The following CDH9 variants were observed in gnomAD, a reference collection of about 807,000 sequenced individuals.
CDH9 encodes cadherin 9, also known as cadherin-9.
A neutral mutation model predicts 70.9 loss-of-function variants in CDH9; 28 were observed. The observed-to-expected ratio is 0.40, with a 90% confidence interval of 0.29 to 0.54. The LOEUF is 0.54. Ranked by LOEUF, CDH9 falls within the 20% of genes least tolerant of loss-of-function variation. The pLI, the probability that CDH9 is intolerant of heterozygous loss-of-function variation, is 0.59. For synonymous variants in CDH9, 409 were observed against 343.1 expected, an observed-to-expected ratio of 1.19 and a Z score of -2.12; for missense variants, 874 against 984.4, an observed-to-expected ratio of 0.89 and a Z score of 1.50.
At chr5:26,905,490 C>A (rs1395819076) in intron 5 of CDH9, among the ~76,000 whole-genome samples, 1 of 152,038 alleles carries the variant, frequency 6.6e-6, no homozygotes, top group African/African-American at 2.4e-5. Flanking sequence ...GTCTGTGTTT[C>A]AGAATCAGTT....
intron 9 of CDH9, among the ~76,000 whole-genome samples, chr5:26,887,574 G>A (rs1047143161): frequency 5.9e-5 from 9 of 151,886 alleles, no homozygotes; most frequent in Admixed American, 1.3e-4. Context: ...ATAGATAAGT[G>A]AGTAAAGAAT....
At chr5:27,027,890 G>A (rs973665822) in intron 1 of CDH9, among the ~76,000 whole-genome samples, 4 of 151,970 alleles carry the variant, frequency 2.6e-5, no homozygotes, top group Non-Finnish European at 4.4e-5. Flanking sequence ...TTCAATTTAT[G>A]AACTGTTAAG....
At chr5:26,890,121 CA>C (rs989821927) in intron 8 of CDH9, among the ~76,000 whole-genome samples, 164 bp from the exon 9 acceptor site, 2 of 151,694 alleles carry the variant, frequency 1.3e-5, no homozygotes, top group African/African-American at 4.8e-5. Context: ...AAGAAAAGCA[CA>C]ATAAAATTGA....
At chr5:26,883,503 C>T (rs1579659788) in intron 11 of CDH9, among the ~76,000 whole-genome samples, 1 of 151,820 alleles carries the variant, frequency 6.6e-6, no homozygotes, top group Non-Finnish European at 1.5e-5. Flanking sequence ...ATCTGTAACT[C>T]AAATTTAGCA....
intron 1 of CDH9, among the ~76,000 whole-genome samples, chr5:27,037,646 C>T (rs1014290688): frequency 6.6e-6 from 1 of 151,888 alleles, no homozygotes; most frequent in Non-Finnish European, 1.5e-5. Context: ...CGATGGAAAA[C>T]ACAATAAAAC....
chr5:27,023,830 T>C (rs550048444), intron 1 of CDH9, among the ~76,000 whole-genome samples: 22 of 152,072 alleles, frequency 1.4e-4, no homozygotes, highest in African/African-American at 5.3e-4. Context: ...GGCCAGCGGA[T>C]CACCTGAGGT....
chr5:26,927,885 G>A (rs1453236724), intron 2 of CDH9, among the ~76,000 whole-genome samples: 1 of 151,816 alleles, frequency 6.6e-6, no homozygotes, highest in African/African-American at 2.4e-5. Context: ...CTTATTAGTG[G>A]CCCCCACAGC....
At chr5:26,931,211 G>A (rs1741456775) in intron 2 of CDH9, among the ~76,000 whole-genome samples, 2 of 152,134 alleles carry the variant, frequency 1.3e-5, no homozygotes, top group South Asian at 4.1e-4. Flanking sequence ...CTGCAGGGAA[G>A]TAGAGTATGT....
At chr5:26,952,103 A>G (rs1579472302) in intron 2 of CDH9, among the ~76,000 whole-genome samples, 1 of 150,612 alleles carries the variant, frequency 6.6e-6, no homozygotes, top group East Asian at 2.1e-4. Flanking sequence ...GGCTGAGATG[A>G]CAGGTGCCTG....
At position 27,001,487 on chromosome 5, in the gene CDH9, T is replaced by C. The variant is rs183851446; in HGVS notation, c.-49-13105A>G. ...AATTTACAGATAACCAACAGGAGGT[T>C]ACCATGATCCATGGGGTAATAATTA... On this transcript the variant is annotated intron_variant, in intron 1 of 11. Transcript: ENST00000231021. Among the ~76,000 whole-genome samples the C allele has an allele frequency of 3.3e-5, 5 of 152,240 alleles. No homozygotes were observed. In the East Asian group the frequency reaches 9.7e-4, roughly 29 times the overall value.
intron 7 of CDH9, among the ~76,000 whole-genome samples, chr5:26,901,465 A>G (rs575146405): frequency 1.3e-5 from 2 of 152,020 alleles, no homozygotes; most frequent in African/African-American, 4.8e-5. Flanking sequence ...TGCTTTATGA[A>G]TTAACATATT....
In CDH9 at chr5:26,933,251, C is replaced by A. The variant is rs949696998; in HGVS notation, c.229-17327G>T. On this transcript the variant is annotated intron_variant, in intron 2 of 11. Transcript: ENST00000231021. ...GGTAAAATTTCACCTTGGGAGACTA[C>A]AAAAGATGAGTAAATTAAACCTGAG... Among the ~76,000 whole-genome samples the A allele has an allele frequency of 2.0e-5, 3 of 150,746 alleles. No homozygotes were observed. The South Asian group carries it at 6.2e-4, about 31-fold the overall frequency.
chr5:26,968,999 T>G (rs1164366494), intron 2 of CDH9, among the ~76,000 whole-genome samples: 6 of 152,192 alleles, frequency 3.9e-5, no homozygotes. Flanking sequence ...ACGTTTGCCC[T>G]CCTAAAACCT....
rs1201443767 is a variant in CDH9, at chr5:27,014,395, A to G, written c.-50+24068T>C. Among the ~76,000 whole-genome samples, 6 of 151,938 alleles carry G rather than the reference A, an allele frequency of 3.9e-5. No homozygotes were observed. In the Admixed American group the frequency reaches 3.9e-4, roughly 10 times the overall value. Reference sequence around the variant, plus strand: ...TTAATGCACCGAACTGTGGTTGACTATAGCTGTGTTCCTAGGGATCCTGTG... The same window carrying G: ...TTAATGCACCGAACTGTGGTTGACTGTAGCTGTGTTCCTAGGGATCCTGTG... On this transcript the variant is annotated intron_variant, in intron 1 of 11. Coordinates refer to ENST00000231021, the MANE Select transcript of CDH9 (RefSeq NM_016279.4).
intron 2 of CDH9, among the ~76,000 whole-genome samples, chr5:26,984,117 C>T (rs1742450531): frequency 6.6e-6 from 1 of 151,992 alleles, no homozygotes; most frequent in Admixed American, 6.6e-5. Context: ...AAATCCCTTT[C>T]CACTCTAGAA....
intron 1 of CDH9, among the ~76,000 whole-genome samples, chr5:27,020,891 A>G (rs1183101346): frequency 6.6e-6 from 1 of 151,736 alleles, no homozygotes; most frequent in Non-Finnish European, 1.5e-5. Context: ...TAAAACCCTC[A>G]TACAATTGAC....
chr5:26,984,321 G>A (rs1158505996), intron 2 of CDH9, among the ~76,000 whole-genome samples: 1 of 152,008 alleles, frequency 6.6e-6, no homozygotes, highest in Non-Finnish European at 1.5e-5. Context: ...AAAATGTAAT[G>A]GTCAATTAAG....
chr5:26,984,283 G>C (rs1305261402), intron 2 of CDH9, among the ~76,000 whole-genome samples: 5 of 152,102 alleles, frequency 3.3e-5, no homozygotes, highest in African/African-American at 1.2e-4. Flanking sequence ...TCTGCACAAA[G>C]CAAGTGCTAA....
At chr5:26,905,809 G>C (rs1363760899) in intron 5 of CDH9, 150 bp downstream of exon 5, 1 of 522,144 alleles carries the variant, frequency 1.9e-6, no homozygotes, top group East Asian at 2.9e-5. Context: ...GTGGGAAATT[G>C]TGTTTTTTTT....
Sources: allele counts gnomAD v4.1 joint callset (sites outside exome capture counted in the v4.1 genomes callset), GRCh38; gene constraint gnomAD v4.1.1; transcripts MANE v1.5; gene names NCBI Gene and HGNC (gene_info 2026-07-23, HGNC 2026-07-21).